The following P2RX3 variants were observed in gnomAD, a reference collection of about 807,000 sequenced individuals.
The protein encoded by P2RX3 is P2X purinoceptor 3.
A neutral mutation model predicts 51.5 loss-of-function variants in P2RX3; 41 were observed. The observed-to-expected ratio is 0.80, with a 90% CI of 0.62 to 1.03. The LOEUF (loss-of-function observed/expected upper bound fraction) is 1.03, where lower values mean the gene tolerates loss of function less well. Ranked by LOEUF, P2RX3 falls within the 50% of genes least tolerant of loss-of-function variation. The pLI, the probability that P2RX3 is intolerant of heterozygous loss-of-function variation, is 0.00. For synonymous variants in P2RX3, 185 were observed against 191.6 expected (o/e 0.97, Z 0.29); for missense variants, 459 against 522.1 (o/e 0.88, Z 1.18).
intron 8 of P2RX3, among the ~76,000 whole-genome samples, chr11:57,363,230 A>G (rs941916091): frequency 6.6e-6 from 1 of 152,204 alleles, no homozygotes; most frequent in Non-Finnish European, 1.5e-5. Context: ...GTAACTCCCC[A>G]ACTTCAGCTC....
chr11:57,362,836 A>T (rs1050755750), intron 8 of P2RX3, among the ~76,000 whole-genome samples: 3 of 152,182 alleles, frequency 2.0e-5, no homozygotes, highest in African/African-American at 7.2e-5. Flanking sequence ...AAGCATAAGC[A>T]CTTAGCACAG....
intron 8 of P2RX3, among the ~76,000 whole-genome samples, chr11:57,360,587 T>G (rs1856699741): frequency 6.6e-6 from 1 of 151,572 alleles, no homozygotes; most frequent in South Asian, 2.1e-4. Flanking sequence ...AAGGTCAGGA[T>G]GGAGACCATC....
Position 57,348,609 on chromosome 11 carries a change from TC to T in P2RX3, c.486-16del, listed in dbSNP as rs1422559893. 1.9e-6 allele frequency: 3 copies of T among 1,604,910 alleles called. No individual in the cohort carries two copies. Among genetic ancestry groups the T allele is most frequent in the Admixed American group, 3.3e-5 (2 of 59,926 alleles). Reference sequence around the variant, plus strand: ...CTCTTCTTCCTGGAAAGCTAAGGCCTCCTGTGCTCACCCACAGGCCCATCAT... The same window carrying T: ...CTCTTCTTCCTGGAAAGCTAAGGCCTCTGTGCTCACCCACAGGCCCATCAT... On this transcript the variant is annotated splice_polypyrimidine_tract_variant and intron_variant, in intron 5 of 11. Coordinates refer to ENST00000263314, the MANE Select transcript of P2RX3 (RefSeq NM_002559.5).
In P2RX3 at chr11:57,350,771, C is replaced by G. The variant is rs778184870; in HGVS notation, c.715C>G (p.Leu239Val). 6.2e-7 allele frequency: 1 copy of G among 1,603,254 alleles called. No homozygotes were observed. The highest frequency in any genetic ancestry group is 8.5e-7 in the Non-Finnish European group (1 of 1,174,850). The change falls in exon 8 of 12, where the codon CTG (leucine) becomes GTG (valine). Residue 239 changes from leucine (L) to valine (V), a missense_variant. Transcript: ENST00000263314. ...CGGCCCGTTTCTTCAGGGGGGAGTT[C>G]TGGGCATTAAGATCGGCTGGGTGTG... ...FAKLARTGGVLGIKIGWVCDL... is the reference protein window; with the variant it reads ...FAKLARTGGVVGIKIGWVCDL...
At chr11:57,349,053 C>T (rs1856495245) in intron 6 of P2RX3, among the ~76,000 whole-genome samples, 1 of 152,180 alleles carries the variant, frequency 6.6e-6, no homozygotes, top group Non-Finnish European at 1.5e-5. Context: ...CCACATCTAG[C>T]CCATGTGTGG....
rs1412683008 is a variant in P2RX3 at position 57,346,631 on chromosome 11, C to T, written c.207C>T (p.Leu69=). ...SVVTKVKGSG[L]YANRVMDVSD... ...TAACCAAGGTGAAGGGCTCCGGACT[C>T]TACGCCAACAGAGTCATGGATGTGT... Residue 69 remains leucine (L), a synonymous_variant, in exon 2 of 12, where the codon CTC becomes CTT. Coordinates refer to ENST00000263314, the MANE Select transcript of P2RX3 (RefSeq NM_002559.5). 1 of 1,614,224 alleles carries T rather than the reference C, an allele frequency of 6.2e-7. No homozygotes were observed. Among genetic ancestry groups the T allele is most frequent in the Non-Finnish European group, 8.5e-7 (1 of 1,180,046 alleles).
chr11:57,369,796 C>A lies in P2RX3; in HGVS notation c.1081-88C>A, dbSNP rs553081302. On this transcript the variant is annotated intron_variant, in intron 11 of 11. Transcript: ENST00000263314. ...GCTCCCCTCATGACTAGGTCATGGG[C>A]GCCCACTGCTGAGTCTGTCAAATGG... 41 of 913,534 alleles carry A rather than the reference C, an allele frequency of 4.5e-5. No homozygotes were observed. In the East Asian group the frequency reaches 9.0e-4, roughly 20 times the overall value. The allele number at this position is 913,534 out of a possible 1,614,324, so 56.6% of individuals were successfully genotyped here. A position where few individuals can be genotyped will look rare whatever the true frequency, so the allele number is the denominator to read the frequency against.
chr11:57,348,753 C>G, intron 6 of P2RX3, 49 bp downstream of exon 6: 1 of 1,420,512 alleles, frequency 7.0e-7, no homozygotes, highest in Non-Finnish European at 9.9e-7. Context: ...ACCCCCGGCC[C>G]TGCCAACCTG....
chr11:57,351,503 T>C (rs1265748154), intron 8 of P2RX3, among the ~76,000 whole-genome samples: 3 of 152,216 alleles, frequency 2.0e-5, no homozygotes, highest in Non-Finnish European at 2.9e-5. Flanking sequence ...TGTTTTGTTT[T>C]TCCATTTTGA....
intron 8 of P2RX3, among the ~76,000 whole-genome samples, chr11:57,353,642 A>G (rs1285003172): frequency 4.5e-5 from 5 of 111,652 alleles, no homozygotes; most frequent in African/African-American, 7.8e-5. Context: ...TTGTCTCCCA[A>G]ACAATTCATT....
rs1856862030 is a variant in P2RX3, at chr11:57,370,094, T to C, written c.*97T>C. ...GCATGGGAGGGAAGAGGGGCTCTCATTTCTGCTGCTCATTCCATGAGCATA... is the reference window on the plus strand; with the variant it reads ...GCATGGGAGGGAAGAGGGGCTCTCACTTCTGCTGCTCATTCCATGAGCATA... On this transcript the variant is annotated 3_prime_UTR_variant, in exon 12 of 12. Transcript: ENST00000263314. The C allele has an allele frequency of 9.6e-6, 8 of 836,582 alleles. No individual in the cohort carries two copies. The highest frequency in any genetic ancestry group is 1.5e-5 in the Non-Finnish European group (8 of 517,294). The allele number at this position is 836,582 out of a possible 1,614,324, so 51.8% of individuals were successfully genotyped here. A position where few individuals can be genotyped will look rare whatever the true frequency, so the allele number is the denominator to read the frequency against.
intron 7 of P2RX3, 69 bp from the exon 8 acceptor site, chr11:57,350,693 C>A: frequency 6.3e-7 from 1 of 1,585,236 alleles, no homozygotes; most frequent in Non-Finnish European, 8.6e-7. Flanking sequence ...CTCCACCCCA[C>A]CCCCACCCTG....
At chr11:57,338,800 A>G in intron 1 of P2RX3, 131 bp downstream of exon 1, 1 of 634,554 alleles carries the variant, frequency 1.6e-6, no homozygotes, top group East Asian at 2.6e-5. Flanking sequence ...TCTTCTGTGG[A>G]GCCGAGTCTT....
chr11:57,351,026 T>C, intron 8 of P2RX3, 128 bp downstream of exon 8: 2 of 1,358,946 alleles, frequency 1.5e-6, no homozygotes, highest in East Asian at 2.4e-5. Flanking sequence ...CAGGTTTCAT[T>C]TCAAATCAGG....
At chr11:57,361,127 T>G (rs1856711680) in intron 8 of P2RX3, among the ~76,000 whole-genome samples, 1 of 152,204 alleles carries the variant, frequency 6.6e-6, no homozygotes, top group African/African-American at 2.4e-5. Flanking sequence ...TCCATCTGCC[T>G]CTACCCACCA....
At chr11:57,365,244 A>G (rs1856780658) in intron 8 of P2RX3, among the ~76,000 whole-genome samples, 1 of 152,206 alleles carries the variant, frequency 6.6e-6, no homozygotes, top group Non-Finnish European at 1.5e-5. Context: ...TAAAGAGACT[A>G]TACACAAAGG....
chr11:57,336,489 C>T (rs182890165), upstream of P2RX3, among the ~76,000 whole-genome samples: 31 of 152,334 alleles, frequency 2.0e-4, no homozygotes, highest in Non-Finnish European at 4.4e-4. Flanking sequence ...GAAGCCAGGT[C>T]TCCCCCGTAT....
chr11:57,369,346 C>A lies in P2RX3; in HGVS notation c.1003-15C>A, dbSNP rs202123931. ...AGGGCACCCCTCGGAGCCCGCCCTG[C>A]CTCTCCTCCTCCAGGGAACTGTTCT... On this transcript the variant is annotated splice_polypyrimidine_tract_variant and intron_variant, in intron 10 of 11. Coordinates refer to ENST00000263314, the MANE Select transcript of P2RX3 (RefSeq NM_002559.5). The A allele has an allele frequency of 2.5e-6, 4 of 1,607,786 alleles. No individual in the cohort carries two copies. In the African/African-American group the frequency reaches 5.4e-5, roughly 22 times the overall value.
At chr11:57,366,177 G>A (rs1856794378) in intron 8 of P2RX3, among the ~76,000 whole-genome samples, 1 of 152,178 alleles carries the variant, frequency 6.6e-6, no homozygotes, top group African/African-American at 2.4e-5. Flanking sequence ...CTTTCCTAAT[G>A]TTAGAGTTTG....
Sources: allele counts gnomAD v4.1 joint callset (sites outside exome capture counted in the v4.1 genomes callset), GRCh38; gene constraint gnomAD v4.1.1; transcripts MANE v1.5; gene names NCBI Gene and HGNC (gene_info 2026-07-23, HGNC 2026-07-21).